SLC25A18: variants seen among roughly 807,000 people sequenced by gnomAD.
SLC25A18 encodes mitochondrial glutamate carrier 2.
Under a neutral mutation model 31.1 loss-of-function variants are expected in SLC25A18, and 24 were observed. The observed-to-expected ratio is 0.77, with a 90% CI of 0.56 to 1.08. The LOEUF is 1.08. Among genes scored for constraint, SLC25A18 ranks in the 50% least tolerant of loss-of-function variants. SLC25A18 has a pLI of 0.00. For missense variants in SLC25A18, 371 were observed against 418.5 expected (o/e 0.89, Z 0.99); for synonymous variants, 173 against 161.9 (o/e 1.07, Z -0.52).
At chr22:17,579,701 C>G (rs1342792772) in intron 2 of SLC25A18, 44 bp from the exon 3 acceptor site, 1 of 1,342,106 alleles carries the variant, frequency 7.5e-7, no homozygotes. Flanking sequence ...TGACGTGCGT[C>G]CTCGCCCATC....
intron 2 of SLC25A18, among the ~76,000 whole-genome samples, chr22:17,573,702 C>T (rs1323407717): frequency 1.3e-5 from 2 of 152,166 alleles, no homozygotes; most frequent in Admixed American, 1.3e-4. Flanking sequence ...ATCCTTCATT[C>T]CTCACCTCAG....
chr22:17,590,101 C>T lies in SLC25A18; in HGVS notation c.813C>T (p.Leu271=). ...YSGITDCARK[L]WIQEGPSAFM... is the part of the protein sequence containing the mutation. ...GGCTCTTCTTTCTCCCCAGGAAACT[C>T]TGGATTCAGGAGGGACCATCTGCCT... is the stretch of plus-strand genomic sequence containing the variant. The change falls in exon 11 of 11, where the codon CTC becomes CTT. Residue 271 remains leucine (L), a synonymous_variant. Coordinates refer to ENST00000327451, the MANE Select transcript of SLC25A18 (RefSeq NM_031481.3). 1 of 1,614,080 alleles carries T rather than the reference C, an allele frequency of 6.2e-7. No individual in the cohort carries two copies. Among genetic ancestry groups the T allele is most frequent in the Non-Finnish European group, 8.5e-7 (1 of 1,180,020 alleles).
chr22:17,578,543 G>A (rs957170400), intron 2 of SLC25A18, among the ~76,000 whole-genome samples: 2 of 152,168 alleles, frequency 1.3e-5, no homozygotes, highest in African/African-American at 2.4e-5. Context: ...TCAGGGCACC[G>A]GAGAGAAGAG....
chr22:17,579,989 G>A, intron 3 of SLC25A18, 25 bp downstream of exon 3: 1 of 1,601,778 alleles, frequency 6.2e-7, no homozygotes, highest in Non-Finnish European at 8.5e-7. Context: ...GGCAGCCTGA[G>A]GCCCTGGGCC....
At chr22:17,581,740 T>G (rs1327048081) in intron 5 of SLC25A18, 2 of 317,296 alleles carry the variant, frequency 6.3e-6, no homozygotes, top group Non-Finnish European at 1.2e-5. Flanking sequence ...TGGCAAGGAG[T>G]TCTGGGTGGC....
At chr22:17,574,756 C>G (rs1296811) in intron 2 of SLC25A18, among the ~76,000 whole-genome samples, 39,478 of 149,442 alleles carry the variant, frequency 0.26, 9,207 homozygotes, top group African/African-American at 0.61. Flanking sequence ...TCCTGACCTC[C>G]TGATCCACCC....
intron 1 of SLC25A18, among the ~76,000 whole-genome samples, chr22:17,567,515 A>T (rs1601253740): frequency 1.3e-5 from 2 of 151,434 alleles, no homozygotes; most frequent in East Asian, 2.0e-4. Flanking sequence ...ATCTGACTTC[A>T]AAGTATCCAG....
At chr22:17,577,453 C>T (rs938872013) in intron 2 of SLC25A18, among the ~76,000 whole-genome samples, 2 of 152,116 alleles carry the variant, frequency 1.3e-5, no homozygotes, top group East Asian at 1.9e-4. Flanking sequence ...CCACCGCACC[C>T]GGCCCACAGT....
rs529150095 is a variant in SLC25A18 at position 17,590,820 on chromosome 22, C to T, written c.*584C>T. 1 of 152,982 alleles carries T rather than the reference C, an allele frequency of 6.5e-6. No homozygotes were observed. Among genetic ancestry groups the T allele is most frequent in the African/African-American group, 2.4e-5 (1 of 41,534 alleles). The allele number at this position is 152,982 out of a possible 1,614,324, so 9.5% of individuals were successfully genotyped here. A position where few individuals can be genotyped will look rare whatever the true frequency, so the allele number is the denominator to read the frequency against. On this transcript the variant is annotated 3_prime_UTR_variant, in exon 11 of 11. Transcript: ENST00000327451. ...GGGCAGCTCAGCCCCTCCCCCAGAG[C>T]CCAGGGTCTTGCACACCCCTCCCTG...
intron 7 of SLC25A18, 46 bp from the exon 8 acceptor site, chr22:17,587,090 G>GCAT (rs770858227): frequency 6.3e-7 from 1 of 1,596,606 alleles, no homozygotes; most frequent in Non-Finnish European, 8.5e-7. Flanking sequence ...GTGTTTCGTA[G>GCAT]CATCTGTTGG....
intron 7 of SLC25A18, chr22:17,585,511 C>T (rs547416434): frequency 1.8e-4 from 27 of 152,142 alleles, no homozygotes; most frequent in Admixed American, 7.9e-4. Context: ...TTGGCAAGGA[C>T]TTATAATCTA....
At chr22:17,568,345 T>C (rs1470963577) in intron 1 of SLC25A18, among the ~76,000 whole-genome samples, 1 of 135,948 alleles carries the variant, frequency 7.4e-6, no homozygotes, top group Non-Finnish European at 1.5e-5. Context: ...CCAGCCTGGG[T>C]GACAGAGCAA....
intron 5 of SLC25A18, 75 bp downstream of exon 5, chr22:17,581,488 C>T: frequency 6.5e-7 from 1 of 1,540,826 alleles, no homozygotes; most frequent in Non-Finnish European, 8.9e-7. Context: ...GGTGTTCCTT[C>T]CGTTGCTGCG....
At chr22:17,574,951 A>C (rs897692855) in intron 2 of SLC25A18, among the ~76,000 whole-genome samples, 7 of 151,744 alleles carry the variant, frequency 4.6e-5, no homozygotes, top group African/African-American at 1.7e-4. Flanking sequence ...TCCCAGGTTC[A>C]AGCGATTCTC....
chr22:17,574,679 G>A (rs944189776), intron 2 of SLC25A18, among the ~76,000 whole-genome samples: 4 of 149,876 alleles, frequency 2.7e-5, no homozygotes, highest in Non-Finnish European at 5.9e-5. Flanking sequence ...ATCACGTCTC[G>A]CCTGACTGAT....
intron 1 of SLC25A18, among the ~76,000 whole-genome samples, chr22:17,567,924 G>A (rs1016906468): frequency 1.3e-5 from 2 of 151,994 alleles, no homozygotes; most frequent in Non-Finnish European, 2.9e-5. Context: ...TTTGTCACGA[G>A]AGTATACTGA....
At chr22:17,584,028 T>G in intron 7 of SLC25A18, 1 of 982,402 alleles carries the variant, frequency 1.0e-6, no homozygotes, top group Non-Finnish European at 1.2e-6. Flanking sequence ...AGAATGTTGA[T>G]TCAGAGGGTC....
chr22:17,586,690 A>G (rs1601342478), intron 7 of SLC25A18, among the ~76,000 whole-genome samples: 1 of 152,332 alleles, frequency 6.6e-6, no homozygotes, highest in East Asian at 1.9e-4. Context: ...GAGGCAGGAG[A>G]ATCACTTGAA....
chr22:17,589,525 A>C (rs1417709233), intron 9 of SLC25A18, 65 bp from the exon 10 acceptor site: 2 of 1,457,154 alleles, frequency 1.4e-6, no homozygotes, highest in South Asian at 2.3e-5. Flanking sequence ...CCAGCCCCTT[A>C]GTGTTGAGGG....
Sources: allele counts gnomAD v4.1 joint callset (sites outside exome capture counted in the v4.1 genomes callset), GRCh38; gene constraint gnomAD v4.1.1; transcripts MANE v1.5; gene names NCBI Gene and HGNC (gene_info 2026-07-23, HGNC 2026-07-21).